ADAMTSL1: variants seen among roughly 807,000 people sequenced by gnomAD.
ADAMTSL1 encodes ADAMTS-like protein 1.
In ADAMTSL1, 126 loss-of-function variants were observed where a neutral mutation model predicts 201.8. The observed-to-expected ratio is 0.62, with a 90% CI of 0.54 to 0.72. The LOEUF (loss-of-function observed/expected upper bound fraction) is 0.72. ADAMTSL1 is among the 30% of genes least tolerant of loss of function. The pLI is 0.00. For missense variants in ADAMTSL1, 2,679 were observed against 2,277.8 expected (o/e 1.18, Z -3.59); for synonymous variants, 1,121 against 903.4 (o/e 1.24, Z -4.32).
intron 12 of ADAMTSL1, among the ~76,000 whole-genome samples, chr9:18,684,429 C>T (rs1398383084): frequency 2.0e-5 from 3 of 152,148 alleles, no homozygotes; most frequent in East Asian, 1.9e-4. Context: ...TCTTTATATG[C>T]ATATTGAGCT....
rs145424707 is a variant in ADAMTSL1, at chr9:18,054,684, G to A, written c.88-109178G>A. Reference sequence around the variant, plus strand: ...AGAAAGATGAAGTGACTTACTCATGGTCCTTCAGCTAATAAATGAAAGAGT... The same window carrying A: ...AGAAAGATGAAGTGACTTACTCATGATCCTTCAGCTAATAAATGAAAGAGT... On this transcript the variant is annotated intron_variant, in intron 1 of 29. Coordinates refer to the ADAMTSL1 transcript ENST00000680146. 3.3e-3 allele frequency among the ~76,000 whole-genome samples: 509 copies of A among 152,262 alleles called. 4 individuals are homozygous for A. Among genetic ancestry groups the A allele is most frequent in the African/African-American group, 0.012 (481 of 41,554 alleles).
intron 2 of ADAMTSL1, among the ~76,000 whole-genome samples, chr9:18,509,148 C>A (rs1817863257): frequency 1.4e-5 from 1 of 73,228 alleles, no homozygotes; most frequent in South Asian, 3.7e-4. Context: ...TGCGCCACTG[C>A]AGTCCGCAGT....
chr9:18,091,852 G>T (rs1385282592), intron 1 of ADAMTSL1, among the ~76,000 whole-genome samples: 2 of 151,966 alleles, frequency 1.3e-5, no homozygotes, highest in African/African-American at 4.8e-5. Context: ...AGAGCAGCAC[G>T]GGTATTGTGA....
intron 1 of ADAMTSL1, among the ~76,000 whole-genome samples, chr9:17,954,953 C>A (rs1010432114): frequency 6.6e-6 from 1 of 152,018 alleles, no homozygotes; most frequent in Non-Finnish European, 1.5e-5. Flanking sequence ...CTCCAGAGGC[C>A]CCTTAGGAAA....
At chr9:18,185,830 G>T (rs1428049849) in intron 2 of ADAMTSL1, among the ~76,000 whole-genome samples, 2 of 144,408 alleles carry the variant, frequency 1.4e-5, no homozygotes, top group Non-Finnish European at 3.0e-5. Context: ...TGCTGTACAA[G>T]AAGGTAGAGA....
Position 18,249,385 on chromosome 9 carries a change from T to C in ADAMTSL1, c.207+85404T>C, listed in dbSNP as rs79570960. ...GTTATCACTTCTGTCAATAAGAGTCTTTTGAATTTGATACAAAATACTTCA... is the reference window on the plus strand; with the variant it reads ...GTTATCACTTCTGTCAATAAGAGTCCTTTGAATTTGATACAAAATACTTCA... On this transcript the variant is annotated intron_variant, in intron 2 of 29. Coordinates refer to the ADAMTSL1 transcript ENST00000680146. Among the ~76,000 whole-genome samples, 84 of 152,314 alleles carry C rather than the reference T, an allele frequency of 5.5e-4. 2 individuals are homozygous for C. The East Asian group carries it at 9.9e-3, about 18-fold the overall frequency.
chr9:18,235,535 G>T (rs1319842635), intron 2 of ADAMTSL1, among the ~76,000 whole-genome samples: 2 of 152,108 alleles, frequency 1.3e-5, no homozygotes, highest in Non-Finnish European at 2.9e-5. Flanking sequence ...ACCTACACAG[G>T]TATTAGCTCT....
At chr9:18,545,071 A>C (rs754695891) in intron 3 of ADAMTSL1, among the ~76,000 whole-genome samples, 6 of 152,204 alleles carry the variant, frequency 3.9e-5, no homozygotes, top group Non-Finnish European at 7.3e-5. Context: ...AAGACTGATT[A>C]CATACCTCAG....
At chr9:18,190,863 C>T (rs1828941638) in intron 2 of ADAMTSL1, among the ~76,000 whole-genome samples, 1 of 152,132 alleles carries the variant, frequency 6.6e-6, no homozygotes, top group South Asian at 2.1e-4. Flanking sequence ...ATAAGTGGCG[C>T]TATGTCTTTG....
At chr9:18,897,186 T>A (rs1829695427) in intron 26 of ADAMTSL1, among the ~76,000 whole-genome samples, 1 of 152,160 alleles carries the variant, frequency 6.6e-6, no homozygotes, top group African/African-American at 2.4e-5. Context: ...TTTCAGCAAC[T>A]CCAACCTGGG....
At chr9:18,730,559 T>C (rs1247565652) in intron 15 of ADAMTSL1, among the ~76,000 whole-genome samples, 1 of 152,214 alleles carries the variant, frequency 6.6e-6, no homozygotes, top group Non-Finnish European at 1.5e-5. Flanking sequence ...GTCATTCATG[T>C]CTTTTCCATT....
chr9:18,165,769 G>T (rs1349629020), intron 2 of ADAMTSL1, among the ~76,000 whole-genome samples: 2 of 151,940 alleles, frequency 1.3e-5, no homozygotes, highest in Admixed American at 1.3e-4. Context: ...TCTGTGGAAG[G>T]TGTGTCTCCA....
intron 2 of ADAMTSL1, among the ~76,000 whole-genome samples, chr9:18,273,558 C>G (rs1832468078): frequency 6.6e-6 from 1 of 152,196 alleles, no homozygotes; most frequent in Admixed American, 6.5e-5. Flanking sequence ...TGCAGGCCCC[C>G]TGGTTACATT....
chr9:18,423,413 T>G (rs562120000), intron 2 of ADAMTSL1, among the ~76,000 whole-genome samples: 2 of 152,362 alleles, frequency 1.3e-5, no homozygotes, highest in African/African-American at 2.4e-5. Context: ...CCCCGTTAGA[T>G]TCACACTCTT....
At chr9:18,655,793 G>A (rs1828602846) in intron 7 of ADAMTSL1, among the ~76,000 whole-genome samples, 1 of 108,158 alleles carries the variant, frequency 9.2e-6, no homozygotes, top group Non-Finnish European at 1.7e-5. Context: ...AGAGCTAGAG[G>A]CTTTTGTGAG....
At chr9:18,650,224 C>T (rs1226966146) in intron 7 of ADAMTSL1, among the ~76,000 whole-genome samples, 1 of 152,172 alleles carries the variant, frequency 6.6e-6, no homozygotes, top group Non-Finnish European at 1.5e-5. Context: ...CCTGGTGTGC[C>T]GTTTCCTAAG....
intron 23 of ADAMTSL1, among the ~76,000 whole-genome samples, chr9:18,833,366 T>G (rs1051313525): frequency 6.6e-6 from 1 of 152,248 alleles, no homozygotes. Flanking sequence ...TGCCAGCATC[T>G]GTTGTTTTTT....
chr9:18,603,346 CTATGCTATGCTATGCT>C, intron 4 of ADAMTSL1, among the ~76,000 whole-genome samples: 1 of 20,874 alleles, frequency 4.8e-5, no homozygotes, highest in African/African-American at 2.0e-4. Context: ...AAGCTATATG[CTATGCTATGCTATGCT>C]ATGCTATGCT....
chr9:18,167,991 C>T (rs1432500851), intron 2 of ADAMTSL1, among the ~76,000 whole-genome samples: 1 of 151,970 alleles, frequency 6.6e-6, no homozygotes, highest in African/African-American at 2.4e-5. Context: ...ATTGCTTCTT[C>T]CATAACTGTT....
Sources: allele counts gnomAD v4.1 joint callset (sites outside exome capture counted in the v4.1 genomes callset), GRCh38; gene constraint gnomAD v4.1.1; transcripts MANE v1.5; gene names NCBI Gene and HGNC (gene_info 2026-07-23, HGNC 2026-07-21).